Variants in SMYD2 observed in about 807,000 individuals in gnomAD.
SMYD2 encodes SET and MYND domain containing 2, also known as N-lysine methyltransferase SMYD2.
In SMYD2, 53 loss-of-function variants were observed where a neutral mutation model predicts 59.1. The observed-to-expected ratio is 0.90, with a 90% CI of 0.72 to 1.13. The LOEUF (loss-of-function observed/expected upper bound fraction) is 1.13. SMYD2 is among the 50% of genes most tolerant of loss of function. The pLI, the probability that SMYD2 is intolerant of heterozygous loss-of-function variation, is 0.00. For synonymous variants in SMYD2, 208 were observed against 198.8 expected (o/e 1.05, Z -0.39); for missense variants, 494 against 544.7 (o/e 0.91, Z 0.93).
chr1:214,306,813 G>A (rs1656921750), intron 2 of SMYD2, among the ~76,000 whole-genome samples: 1 of 152,196 alleles, frequency 6.6e-6, no homozygotes, highest in Non-Finnish European at 1.5e-5. Context: ...ATACAGCATG[G>A]AGTAGCAGGA....
intron 1 of SMYD2, 95 bp from the exon 2 acceptor site, chr1:214,305,092 C>A: frequency 1.7e-6 from 2 of 1,203,166 alleles, no homozygotes; most frequent in Non-Finnish European, 2.5e-6. Context: ...CTTGGCTCTG[C>A]TTTCCAACCA....
At chr1:214,319,995 T>G (rs1657144534) in intron 5 of SMYD2, among the ~76,000 whole-genome samples, 2 of 152,162 alleles carry the variant, frequency 1.3e-5, no homozygotes, top group Admixed American at 6.5e-5. Context: ...GGACAGAGAT[T>G]TACGTACAAA....
rs1657368626 is a variant in SMYD2 at position 214,332,262 on chromosome 1, C to T, written c.1112+70C>T. 1.4e-5 allele frequency: 21 copies of T among 1,535,770 alleles called. No individual in the cohort carries two copies. In the South Asian group the frequency reaches 2.5e-4, roughly 18 times the overall value. ...TTGTTTAGAATGTATACGATAGTGT[C>T]ATCTTCCTGCCCATTGCTGAGACTT... On this transcript the variant is annotated intron_variant, in intron 10 of 11. Coordinates refer to ENST00000366957, the MANE Select transcript of SMYD2 (RefSeq NM_020197.3).
Position 214,302,920 on chromosome 1 carries a change from CA to C in SMYD2, c.174-2266del, listed in dbSNP as rs1325139578. ...ATGATAATTTTCTAATCTCTTACAT[CA>C]GGGGGTCTTAACGCTGGTGTCAGAG... On this transcript the variant is annotated intron_variant, in intron 1 of 11. Coordinates refer to ENST00000366957, the MANE Select transcript of SMYD2 (RefSeq NM_020197.3). Among the ~76,000 whole-genome samples the C allele has an allele frequency of 3.9e-5, 6 of 152,256 alleles. No homozygotes were observed. The East Asian group carries it at 9.6e-4, about 24-fold the overall frequency.
In SMYD2 at chr1:214,332,009, C is replaced by T. The variant is rs749174178; in HGVS notation, c.938-9C>T. The T allele has an allele frequency of 4.6e-5, 74 of 1,610,168 alleles. No homozygotes were observed. Among genetic ancestry groups the T allele is most frequent in the Admixed American group, 3.7e-4 (22 of 59,814 alleles). On this transcript the variant is annotated splice_polypyrimidine_tract_variant and intron_variant, in intron 9 of 11. Transcript: ENST00000366957. ...GGGCCCGGTGGCCCTTTCCTTGACT[C>T]CACAGCACCCCCTAGTGAGCTGCTG...
Position 214,314,825 on chromosome 1 carries a change from A to G in SMYD2, c.301A>G (p.Asn101Asp). 6.2e-7 allele frequency: 1 copy of G among 1,614,158 alleles called. No homozygotes were observed. The highest frequency in any genetic ancestry group is 8.5e-7 in the Non-Finnish European group (1 of 1,180,008). The change falls in exon 3 of 12, where the codon AAT becomes GAT. Residue 101 changes from asparagine (N) to aspartate (D), a missense_variant. Transcript: ENST00000366957. ...SPMVVFGENW[N>D]PSETVRLTAR... The stretch of plus-strand genomic sequence containing the variant: ...CATGGTTGTTTTTGGGGAAAACTGG[A>G]ATCCCTCGGAGACTGTAAGACTAAC...
chr1:214,332,045 A>C lies in SMYD2; in HGVS notation c.965A>C (p.Glu322Ala), dbSNP rs1055699705. 6.2e-7 allele frequency: 1 copy of C among 1,613,710 alleles called. No homozygotes were observed. The highest frequency in any genetic ancestry group is 8.5e-7 in the Non-Finnish European group (1 of 1,180,004). The change falls in exon 10 of 12, where the codon GAG becomes GCG. Residue 322 changes from glutamate to alanine, a missense_variant. Physicochemically the swap from Glu to Ala is moderately radical, Grantham distance 107. Coordinates refer to ENST00000366957, the MANE Select transcript of SMYD2 (RefSeq NM_020197.3). The part of the protein sequence containing the change: ...KSPSELLEIC[E>A]LSQEKMSSVF... ...CCTAGTGAGCTGCTGGAGATCTGCG[A>C]GCTCAGCCAGGAGAAGATGAGCTCT...
chr1:214,334,168 A>ATGGTGGC, intron 10 of SMYD2, 32 bp from the exon 11 acceptor site: 1 of 1,599,586 alleles, frequency 6.3e-7, no homozygotes, highest in African/African-American at 1.3e-5. Context: ...AGCCGCTGAC[A>ATGGTGGC]TGGTGGCCTG....
In SMYD2 at chr1:214,292,353, CCTCT is replaced by C. The variant is rs908968318; in HGVS notation, c.173+10929_173+10932del. 4.3e-4 allele frequency among the ~76,000 whole-genome samples: 65 copies of C among 152,242 alleles called. 1 individual carries two copies. The highest frequency in any genetic ancestry group is 1.5e-3 in the African/African-American group (61 of 41,542). On this transcript the variant is annotated intron_variant, in intron 1 of 11. Coordinates refer to ENST00000366957, the MANE Select transcript of SMYD2 (RefSeq NM_020197.3). The stretch of plus-strand genomic sequence containing the variant: ...CACATATATGCACCTTGCTGATTCT[CCTCT>C]CTATGTCCCTCTTTGCCTGGCTCAC...
chr1:214,281,373 C>T lies in SMYD2; in HGVS notation c.119C>T (p.Ala40Val), dbSNP rs1472663157. 2 of 1,461,590 alleles carry T rather than the reference C, an allele frequency of 1.4e-6. No individual in the cohort carries two copies. The highest frequency in any genetic ancestry group is 1.8e-6 in the Non-Finnish European group (2 of 1,099,638). 90.5% of individuals were successfully genotyped at this position (1,461,590 alleles called of 1,614,324 possible). A position where few individuals can be genotyped will look rare whatever the true frequency, so the allele number is the denominator to read the frequency against. Residue 40 changes from alanine to valine, a missense_variant, in exon 1 of 12, where the codon GCC (alanine) becomes GTC (valine). Coordinates refer to ENST00000366957, the MANE Select transcript of SMYD2 (RefSeq NM_020197.3). ...TTGCTGTTCTCCTGCCCGGCCTATG[C>T]CTACGTGCTCACGGTCAACGAGCGG... is the stretch of plus-strand genomic sequence containing the variant. ...GDLLFSCPAY[A>V]YVLTVNERGN... is the part of the protein sequence containing the mutation.
At chr1:214,335,489 G>C (rs1297238840) in intron 11 of SMYD2, among the ~76,000 whole-genome samples, 1 of 152,194 alleles carries the variant, frequency 6.6e-6, no homozygotes, top group African/African-American at 2.4e-5. Flanking sequence ...TACTTGGCCT[G>C]CCTCCTCTTG....
intron 1 of SMYD2, among the ~76,000 whole-genome samples, chr1:214,286,365 T>C (rs1656545643): frequency 6.6e-6 from 1 of 151,916 alleles, no homozygotes; most frequent in African/African-American, 2.4e-5. Context: ...CTAGCTACAC[T>C]TGGGTAGGCT....
chr1:214,334,125 G>T, intron 10 of SMYD2, 75 bp from the exon 11 acceptor site: 1 of 1,387,180 alleles, frequency 7.2e-7, no homozygotes, highest in Admixed American at 1.7e-5. Flanking sequence ...GCAGCCTCCG[G>T]CTTACTGCAC....
In SMYD2 at chr1:214,314,829, C is replaced by A; in HGVS notation, c.305C>A (p.Pro102His). ...PMVVFGENWN[P>H]SETVRLTARI... is the part of the protein sequence containing the mutation. ...GTTGTTTTTGGGGAAAACTGGAATC[C>A]CTCGGAGACTGTAAGACTAACAGCA... Residue 102 changes from proline (P) to histidine (H), a missense_variant, in exon 3 of 12, where the codon CCC becomes CAC. Pro to His is a moderately conservative substitution (Grantham distance 77, BLOSUM62 -2). Transcript: ENST00000366957. 1.2e-6 allele frequency: 2 copies of A among 1,614,038 alleles called. No individual in the cohort carries two copies. Among genetic ancestry groups the A allele is most frequent in the Non-Finnish European group, 1.7e-6 (2 of 1,179,972 alleles).
chr1:214,285,760 T>A (rs944196837), intron 1 of SMYD2, among the ~76,000 whole-genome samples: 1 of 152,196 alleles, frequency 6.6e-6, no homozygotes, highest in African/African-American at 2.4e-5. Flanking sequence ...TAAAGCAGTT[T>A]GGTCCTTGTG....
At chr1:214,300,113 G>A (rs1434223678) in intron 1 of SMYD2, among the ~76,000 whole-genome samples, 3 of 152,142 alleles carry the variant, frequency 2.0e-5, no homozygotes, top group Non-Finnish European at 4.4e-5. Flanking sequence ...CAGCAAACCT[G>A]AATCTAAAAT....
chr1:214,310,102 C>T (rs79389734), intron 2 of SMYD2, among the ~76,000 whole-genome samples: 1,891 of 152,336 alleles, frequency 0.012, 22 homozygotes, highest in African/African-American at 0.043. Flanking sequence ...ATCCAGTCTC[C>T]TTATCGAGGA....
intron 10 of SMYD2, chr1:214,333,877 C>G (rs76591324): frequency 0.041 from 8,624 of 210,050 alleles, 333 homozygotes; most frequent in African/African-American, 0.11. Flanking sequence ...TTCCCAGGGT[C>G]TTCCTCTGGG....
intron 1 of SMYD2, among the ~76,000 whole-genome samples, chr1:214,289,207 G>A (rs2102453497): frequency 6.6e-6 from 1 of 152,290 alleles, no homozygotes; most frequent in African/African-American, 2.4e-5. Flanking sequence ...TGAGAATTCA[G>A]GACAGCAAAA....
Sources: allele counts gnomAD v4.1 joint callset (sites outside exome capture counted in the v4.1 genomes callset), GRCh38; gene constraint gnomAD v4.1.1; transcripts MANE v1.5; gene names NCBI Gene and HGNC (gene_info 2026-07-23, HGNC 2026-07-21).